The following GALNT14 variants were observed in gnomAD, a reference collection of about 807,000 sequenced individuals.
The protein encoded by GALNT14 is UDP-GalNAc:polypeptide N-acetylgalactosaminyltransferase 14.
A neutral mutation model predicts 77.5 loss-of-function variants in GALNT14; 60 were observed. The ratio of observed to expected loss-of-function variants is 0.77; its 90% CI spans 0.63 to 0.96. The LOEUF is 0.96. Among genes scored for constraint, GALNT14 ranks in the 40% least tolerant of loss-of-function variants. The pLI is 0.00. For missense variants in GALNT14, 710 were observed against 731.0 expected (o/e 0.97, Z 0.33); for synonymous variants, 280 against 281.7 (o/e 0.99, Z 0.06).
chr2:30,890,126 C>T, the GALNT14 span, among the ~76,000 whole-genome samples: 4 of 152,154 alleles, frequency 2.6e-5, no homozygotes, highest in Non-Finnish European at 5.9e-5. Flanking sequence ...ATTTCACCCA[C>T]CACAGTAATG....
chr2:31,024,183 TCC>T (rs1345774098), intron 1 of GALNT14, among the ~76,000 whole-genome samples: 1 of 152,070 alleles, frequency 6.6e-6, no homozygotes, highest in Non-Finnish European at 1.5e-5. Flanking sequence ...CCATGCCATC[TCC>T]CAGCACCTGC....
chr2:31,013,439 A>T (rs1456560031), intron 1 of GALNT14, among the ~76,000 whole-genome samples: 3 of 152,216 alleles, frequency 2.0e-5, no homozygotes, highest in African/African-American at 7.2e-5. Context: ...AGAACCAACA[A>T]GTCACCTACA....
chr2:30,919,091 G>A (rs541762894), intron 13 of GALNT14, among the ~76,000 whole-genome samples: 6 of 152,140 alleles, frequency 3.9e-5, no homozygotes, highest in Non-Finnish European at 7.4e-5. Flanking sequence ...TATATCTTAT[G>A]TTTTTCCCCT....
intron 2 of GALNT14, among the ~76,000 whole-genome samples, chr2:30,973,688 A>G (rs1205426584): frequency 6.6e-6 from 1 of 152,248 alleles, no homozygotes; most frequent in East Asian, 1.9e-4. Context: ...TTCATGGGCA[A>G]CACTGATACA....
chr2:30,971,890 T>C, intron 2 of GALNT14, among the ~76,000 whole-genome samples: 1 of 152,222 alleles, frequency 6.6e-6, no homozygotes, highest in South Asian at 2.1e-4. Flanking sequence ...CATTACATCC[T>C]GGCAGCAGCC....
At chr2:31,076,974 G>A (rs1409805213) in intron 1 of GALNT14, among the ~76,000 whole-genome samples, 2 of 152,248 alleles carry the variant, frequency 1.3e-5, no homozygotes, top group East Asian at 1.9e-4. Context: ...CATCCCTCAT[G>A]ACAACAGCAC....
intron 1 of GALNT14, among the ~76,000 whole-genome samples, chr2:31,068,348 G>A (rs1675117500): frequency 6.6e-6 from 1 of 151,900 alleles, no homozygotes; most frequent in Non-Finnish European, 1.5e-5. Flanking sequence ...TTAGCCACGT[G>A]GGGTGGTACA....
intron 1 of GALNT14, among the ~76,000 whole-genome samples, chr2:31,135,411 G>A (rs778606576): frequency 3.9e-5 from 6 of 152,050 alleles, no homozygotes; most frequent in African/African-American, 1.4e-4. Context: ...CTGTTCTGGC[G>A]TTACCTAAGG....
At chr2:31,053,349 G>T (rs1441640386) in intron 1 of GALNT14, among the ~76,000 whole-genome samples, 1 of 152,092 alleles carries the variant, frequency 6.6e-6, no homozygotes, top group Admixed American at 6.5e-5. Context: ...CCTGAACCCT[G>T]CACTTACAGG....
chr2:31,028,475 C>A (rs1001545232), intron 1 of GALNT14, among the ~76,000 whole-genome samples: 2 of 152,244 alleles, frequency 1.3e-5, no homozygotes, highest in Non-Finnish European at 2.9e-5. Flanking sequence ...GGTTTCAGGG[C>A]AACTGCCCTC....
At chr2:30,984,487 G>A (rs1192066026) in intron 2 of GALNT14, among the ~76,000 whole-genome samples, 1 of 152,170 alleles carries the variant, frequency 6.6e-6, no homozygotes, top group Non-Finnish European at 1.5e-5. Flanking sequence ...GCATTCCAGG[G>A]TTTACTGAAT....
intron 3 of GALNT14, among the ~76,000 whole-genome samples, chr2:30,962,745 C>T (rs375996047): frequency 1.3e-5 from 2 of 152,178 alleles, no homozygotes; most frequent in East Asian, 3.9e-4. Flanking sequence ...AGGGTCTGGG[C>T]AGGGGGGTTG....
chr2:31,136,757 C>T (rs1679245418), intron 1 of GALNT14, among the ~76,000 whole-genome samples: 1 of 152,120 alleles, frequency 6.6e-6, no homozygotes, highest in Admixed American at 6.5e-5. Flanking sequence ...AGTAGAACGA[C>T]TTAAGGTACG....
At chr2:31,131,046 G>A (rs1424849421) in intron 1 of GALNT14, among the ~76,000 whole-genome samples, 1 of 152,118 alleles carries the variant, frequency 6.6e-6, no homozygotes, top group African/African-American at 2.4e-5. Flanking sequence ...AAGCAAGTGG[G>A]GGTCAGACAG....
rs139814591 is a variant in GALNT14, at chr2:31,075,284, C to T, written c.129+62674G>A. Among the ~76,000 whole-genome samples, 110 of 152,326 alleles carry T rather than the reference C, an allele frequency of 7.2e-4. 1 individual carries two copies. Among genetic ancestry groups the T allele is most frequent in the African/African-American group, 2.6e-3 (107 of 41,586 alleles). On this transcript the variant is annotated intron_variant, in intron 1 of 14. Transcript: ENST00000349752. ...CACATTTCCTGTATACCCTGCAGAA[C>T]CTTGAGCCAATTAAACCTCTTTCCT...
intron 1 of GALNT14, among the ~76,000 whole-genome samples, chr2:31,096,483 G>C (rs758143257): frequency 6.6e-6 from 1 of 152,142 alleles, no homozygotes; most frequent in Non-Finnish European, 1.5e-5. Flanking sequence ...AGATGTATAA[G>C]TTTATGAGGA....
intron 1 of GALNT14, among the ~76,000 whole-genome samples, chr2:31,111,996 T>C (rs969422938): frequency 0.035 from 3,951 of 113,602 alleles, 141 homozygotes; most frequent in African/African-American, 0.16. Flanking sequence ...GTGTACTTGC[T>C]TTTTTTTTTT....
chr2:30,912,169 C>A, intron 14 of GALNT14, 54 bp downstream of exon 14: 1 of 1,603,062 alleles, frequency 6.2e-7, no homozygotes, highest in Non-Finnish European at 8.5e-7. Context: ...AAGCCCTCAA[C>A]AGGCAGTCAC....
rs61530770 is a variant in GALNT14 at position 31,071,309 on chromosome 2, A to T, written c.129+66649T>A. 4.8e-3 allele frequency among the ~76,000 whole-genome samples: 725 copies of T among 152,356 alleles called. 5 individuals carry two copies. The highest frequency in any genetic ancestry group is 0.016 in the African/African-American group (683 of 41,582). ...GGGTCAACCAAACATGTGCCTAGTA[A>T]GAGTCTGAGTTCCTCCTGGACTTGA... On this transcript the variant is annotated intron_variant, in intron 1 of 14. Transcript: ENST00000349752.
Sources: allele counts gnomAD v4.1 joint callset (sites outside exome capture counted in the v4.1 genomes callset), GRCh38; gene constraint gnomAD v4.1.1; transcripts MANE v1.5; gene names NCBI Gene and HGNC (gene_info 2026-07-23, HGNC 2026-07-21).